Variants in ZSCAN25 observed in about 807,000 individuals in gnomAD.
ZSCAN25 encodes the protein zinc finger and SCAN domain-containing protein 25.
A neutral mutation model predicts 38.7 loss-of-function variants in ZSCAN25; 27 were observed. The ratio of observed to expected loss-of-function variants is 0.70; its 90% CI spans 0.51 to 0.96. The LOEUF (loss-of-function observed/expected upper bound fraction) is 0.96, where lower values mean the gene tolerates loss of function less well. Among genes scored for constraint, ZSCAN25 ranks in the 40% least tolerant of loss-of-function variants. The pLI is 0.00. For missense variants in ZSCAN25, 637 were observed against 705.9 expected, an observed-to-expected ratio of 0.90 and a Z score of 1.11; for synonymous variants, 273 against 277.7, an observed-to-expected ratio of 0.98 and a Z score of 0.17.
chr7:99,660,111 G>A, the ZSCAN25 span: 50 of 662,470 alleles, frequency 7.5e-5, no homozygotes, highest in South Asian at 2.0e-3. Flanking sequence ...AGATGCACCC[G>A]GTACCTCAGT....
chr7:99,648,871 C>G, the ZSCAN25 span, among the ~76,000 whole-genome samples: 2 of 152,088 alleles, frequency 1.3e-5, no homozygotes, highest in African/African-American at 4.8e-5. Flanking sequence ...TAACCCTTCC[C>G]AGTTGAACCC....
the ZSCAN25 span, chr7:99,662,885 A>T: frequency 6.2e-7 from 1 of 1,613,728 alleles, no homozygotes; most frequent in Non-Finnish European, 8.5e-7. This position sits in a 1 kb window ranked among gnomAD's most constrained non-coding sequence, Gnocchi z 4.3. Context: ...AGTCGGTGCT[A>T]GAAGCAAAAG....
chr7:99,737,588 A>G, the ZSCAN25 span, among the ~76,000 whole-genome samples: 1 of 152,022 alleles, frequency 6.6e-6, no homozygotes, highest in Non-Finnish European at 1.5e-5. Context: ...TCATTAGCTC[A>G]CCTAAACAAA....
chr7:99,654,128 C>T, the ZSCAN25 span, among the ~76,000 whole-genome samples: 8 of 152,026 alleles, frequency 5.3e-5, no homozygotes, highest in Non-Finnish European at 8.8e-5. Context: ...ATGTACACAA[C>T]GTGCAGGTTT....
At chr7:99,707,784 AC>A in the ZSCAN25 span, 1 of 1,612,990 alleles carries the variant, frequency 6.2e-7, no homozygotes, top group South Asian at 1.1e-5. Context: ...TGTTAATAAA[AC>A]ATTATTAATG....
chr7:99,694,070 T>C, the ZSCAN25 span, among the ~76,000 whole-genome samples: 3 of 152,226 alleles, frequency 2.0e-5, no homozygotes, highest in African/African-American at 7.2e-5. Flanking sequence ...CTTATCATTG[T>C]GTGTAAACTA....
At chr7:99,663,623 A>T in the ZSCAN25 span, 1 of 1,002,338 alleles carries the variant, frequency 1.0e-6, no homozygotes, top group Non-Finnish European at 1.2e-6. Flanking sequence ...CCAATCTGTG[A>T]TATGAGGAAA....
chr7:99,715,770 C>T, the ZSCAN25 span: 20 of 1,613,634 alleles, frequency 1.2e-5, no homozygotes, highest in South Asian at 4.4e-5. Context: ...ATTGAGAGAA[C>T]GAATGGATCT....
At chr7:99,686,459 G>C in the ZSCAN25 span, among the ~76,000 whole-genome samples, 1 of 152,310 alleles carries the variant, frequency 6.6e-6, no homozygotes, top group South Asian at 2.1e-4. Flanking sequence ...GGCTGGGGGA[G>C]GGGTGCCTGC....
At chr7:99,721,518 G>A in the ZSCAN25 span, among the ~76,000 whole-genome samples, 3 of 152,096 alleles carry the variant, frequency 2.0e-5, no homozygotes, top group African/African-American at 7.2e-5. Context: ...GGCATCAAGG[G>A]AAGAAAAAAA....
chr7:99,641,236 A>G, the ZSCAN25 span, among the ~76,000 whole-genome samples: 1 of 152,178 alleles, frequency 6.6e-6, no homozygotes, highest in Admixed American at 6.5e-5. Flanking sequence ...ACTTACAATC[A>G]TGGTTGAAGG....
At chr7:99,621,768 G>T (rs766026763) in intron 5 of ZSCAN25, 194 bp downstream of exon 5, 107 of 417,496 alleles carry the variant, frequency 2.6e-4, no homozygotes, top group Non-Finnish European at 1.8e-4. Context: ...TCTGGTGTCT[G>T]GAGGGGATAT....
chr7:99,737,042 A>T, the ZSCAN25 span, among the ~76,000 whole-genome samples: 1 of 152,210 alleles, frequency 6.6e-6, no homozygotes, highest in African/African-American at 2.4e-5. Context: ...AAGGACAGAC[A>T]CGGGTAGGTG....
the ZSCAN25 span, chr7:99,705,541 G>A: frequency 5.0e-6 from 8 of 1,613,580 alleles, no homozygotes; most frequent in East Asian, 4.5e-5. Context: ...TCAGCCTTTA[G>A]AACAATGGGT....
the ZSCAN25 span, among the ~76,000 whole-genome samples, chr7:99,725,976 A>G: frequency 6.6e-6 from 1 of 152,122 alleles, no homozygotes; most frequent in South Asian, 2.1e-4. Context: ...ATTGGGCAAC[A>G]TTCTTTTATG....
At chr7:99,648,326 A>G in the ZSCAN25 span, 2 of 1,613,298 alleles carry the variant, frequency 1.2e-6, no homozygotes, top group Non-Finnish European at 1.7e-6. Flanking sequence ...TTAGGGTTCC[A>G]TCTCTTGAAT....
At chr7:99,660,839 A>G in the ZSCAN25 span, among the ~76,000 whole-genome samples, 1 of 152,158 alleles carries the variant, frequency 6.6e-6, no homozygotes, top group African/African-American at 2.4e-5. Context: ...ATGACGCAAA[A>G]TCATTTTAAT....
At chr7:99,735,263 A>G in the ZSCAN25 span, 5 of 890,226 alleles carry the variant, frequency 5.6e-6, no homozygotes, top group Non-Finnish European at 8.8e-6. Context: ...TGCAGCCAGT[A>G]GCAGGGCCCC....
the ZSCAN25 span, chr7:99,713,511 T>A: frequency 1.2e-6 from 2 of 1,613,410 alleles, no homozygotes; most frequent in Non-Finnish European, 1.7e-6. Context: ...GAGTCAATCA[T>A]CAGCTGAAGG....
Sources: gnomAD v4.1 joint callset for allele counts (sites outside exome capture counted in the v4.1 genomes callset) on GRCh38, gnomAD v4.1.1 for gene constraint, Gnocchi (gnomAD v3.1) non-coding constraint, MANE v1.5 for transcripts, NCBI Gene and HGNC (gene_info 2026-07-23, HGNC 2026-07-21) for gene names.